Variants in DCP1A observed in about 807,000 individuals in gnomAD.
The protein encoded by DCP1A is decapping mRNA 1A.
DCP1A carries 20 observed loss-of-function variants against 58.0 expected under a neutral mutation model. That is an observed-to-expected ratio of 0.34 (90% CI 0.24 to 0.50). The LOEUF is 0.50. Ranked by LOEUF, DCP1A falls within the 20% of genes least tolerant of loss-of-function variation. DCP1A has a pLI of 0.98. For missense variants in DCP1A, 613 were observed against 712.2 expected, an observed-to-expected ratio of 0.86 and a Z score of 1.59; for synonymous variants, 285 against 275.1, an observed-to-expected ratio of 1.04 and a Z score of -0.36.
intron 1 of DCP1A, among the ~76,000 whole-genome samples, chr3:53,347,121 C>T (rs1055966023): frequency 6.6e-6 from 1 of 152,202 alleles, no homozygotes; most frequent in Non-Finnish European, 1.5e-5. Context: ...CCAGACCCGA[C>T]GCCAAGGGAC....
intron 3 of DCP1A, among the ~76,000 whole-genome samples, chr3:53,335,823 CTTT>C (rs2089104039): frequency 6.6e-6 from 1 of 151,892 alleles, no homozygotes; most frequent in Non-Finnish European, 1.5e-5. Flanking sequence ...GCATTTAATT[CTTT>C]TTTATTCTTT....
At chr3:53,337,069 G>A (rs758178377) in intron 3 of DCP1A, among the ~76,000 whole-genome samples, 3 of 151,710 alleles carry the variant, frequency 2.0e-5, no homozygotes, top group Non-Finnish European at 2.9e-5. Flanking sequence ...ATGGGGTTTC[G>A]CCGTGTTGGC....
At chr3:53,287,822 A>G (rs781863279) in intron 9 of DCP1A, among the ~76,000 whole-genome samples, 162 bp from the exon 10 acceptor site, 4 of 151,992 alleles carry the variant, frequency 2.6e-5, no homozygotes, top group Non-Finnish European at 4.4e-5. Flanking sequence ...GTTCATGCAG[A>G]TATTTCTCCA....
At chr3:53,294,791 T>C (rs1707060421) in intron 6 of DCP1A, among the ~76,000 whole-genome samples, 1 of 152,190 alleles carries the variant, frequency 6.6e-6, no homozygotes, top group Admixed American at 6.5e-5. Context: ...CTGAAATGTA[T>C]GGAACCCAGC....
intron 7 of DCP1A, 54 bp downstream of exon 7, chr3:53,292,015 A>G: frequency 6.5e-7 from 1 of 1,533,956 alleles, no homozygotes; most frequent in South Asian, 1.2e-5. Flanking sequence ...CTGTAGTTTC[A>G]TCCCATCCAG....
At chr3:53,334,780 A>G (rs2106883525) in intron 3 of DCP1A, among the ~76,000 whole-genome samples, 1 of 152,336 alleles carries the variant, frequency 6.6e-6, no homozygotes, top group African/African-American at 2.4e-5. Context: ...GCAAATGCTC[A>G]ATAGACACAT....
At chr3:53,309,671 G>A (rs190834352) in intron 5 of DCP1A, among the ~76,000 whole-genome samples, 166 of 152,260 alleles carry the variant, frequency 1.1e-3, no homozygotes, top group Non-Finnish European at 2.0e-3. Flanking sequence ...AGGCTAAGAT[G>A]GGAGAATGTC....
chr3:53,326,122 A>C (rs1708097087), intron 3 of DCP1A, among the ~76,000 whole-genome samples: 1 of 152,224 alleles, frequency 6.6e-6, no homozygotes, highest in Non-Finnish European at 1.5e-5. Context: ...TATCATTTAA[A>C]AATTTGGTGC....
rs782533868 is a variant in DCP1A, at chr3:53,289,612, C to CA, written c.1449+1178dup. 7.7e-3 allele frequency among the ~76,000 whole-genome samples: 707 copies of CA among 91,586 alleles called. 3 individuals are homozygous for CA. The highest frequency in any genetic ancestry group is 0.012 in the African/African-American group (281 of 23,916). 60.1% of individuals were successfully genotyped at this position (91,586 alleles called of 152,430 possible). On this transcript the variant is annotated intron_variant, in intron 8 of 9. Transcript: ENST00000610213. Reference sequence around the variant, plus strand: ...GGGCAACAAAGCAAGACTCTGCTTCCAAAAAAAAAAAAAAATCCAGTTATG... The same window carrying CA: ...GGGCAACAAAGCAAGACTCTGCTTCCAAAAAAAAAAAAAAAATCCAGTTATG...
chr3:53,341,462 GA>G (rs2089201726), intron 3 of DCP1A, among the ~76,000 whole-genome samples: 1 of 151,832 alleles, frequency 6.6e-6, no homozygotes, highest in East Asian at 1.9e-4. Flanking sequence ...TCAAAAAAAA[GA>G]AAATAATAAT....
At chr3:53,292,017 C>T in intron 7 of DCP1A, 52 bp downstream of exon 7, 2 of 1,536,150 alleles carry the variant, frequency 1.3e-6, no homozygotes, top group Admixed American at 2.0e-5. Flanking sequence ...GTAGTTTCAT[C>T]CCATCCAGTT....
intron 2 of DCP1A, among the ~76,000 whole-genome samples, chr3:53,343,477 T>C (rs1559709905): frequency 6.6e-6 from 1 of 152,160 alleles, no homozygotes; most frequent in Admixed American, 6.5e-5. Context: ...AGTGCCTCTG[T>C]ATGATAACAA....
intron 8 of DCP1A, among the ~76,000 whole-genome samples, chr3:53,288,946 T>G (rs1430138550): frequency 6.6e-6 from 1 of 151,286 alleles, no homozygotes; most frequent in Non-Finnish European, 1.5e-5. Context: ...ACCCAGGAGG[T>G]GGAGGTTGCA....
chr3:53,308,237 T>C (rs567982856), intron 5 of DCP1A, among the ~76,000 whole-genome samples: 5 of 152,330 alleles, frequency 3.3e-5, no homozygotes, highest in Non-Finnish European at 7.3e-5. Flanking sequence ...TTTTCTATAG[T>C]TTATACTGCT....
At chr3:53,293,243 T>G (rs1481752939) in intron 6 of DCP1A, among the ~76,000 whole-genome samples, 4 of 152,158 alleles carry the variant, frequency 2.6e-5, no homozygotes, top group African/African-American at 9.7e-5. Context: ...CCTCAGAGAC[T>G]GGGTCTCAAA....
rs34308634 is a variant in DCP1A at position 53,284,526 on chromosome 3, C to CTTTTTTTTTT, written c.*3044_*3053dup. 2 of 59,810 alleles carry CTTTTTTTTTT rather than the reference C, an allele frequency of 3.3e-5. 1 individual carries two copies. The highest frequency in any genetic ancestry group is 4.5e-4 in the Admixed American group (2 of 4,446). The allele number at this position is 59,810 out of a possible 1,614,324, so 3.7% of individuals were successfully genotyped here. ...CCCTGTAGAGAGGGGCCCAGCGTGA[C>CTTTTTTTTTT]TTTTTTTTTTTTTTTTTTTTTTTTT... On this transcript the variant is annotated 3_prime_UTR_variant, in exon 10 of 10. Transcript: ENST00000610213.
chr3:53,292,081 A>C lies in DCP1A; in HGVS notation c.1371T>G (p.Leu457=). 6.2e-7 allele frequency: 1 copy of C among 1,609,654 alleles called. No homozygotes were observed. ...CTCCTGCCATTACCTGAAGGGGAGC[A>C]AGCACCATGTTGCTCAGGGAGGCTG... ...AASASLSNMV[L]APLQSMQQNQ... The change falls in exon 7 of 10, where the codon CTT becomes CTG. Residue 457 remains leucine, a synonymous_variant. Coordinates refer to ENST00000610213, the MANE Select transcript of DCP1A (RefSeq NM_018403.7).
At chr3:53,318,357 TAAA>T (rs1445535854) in intron 4 of DCP1A, among the ~76,000 whole-genome samples, 8 of 152,162 alleles carry the variant, frequency 5.3e-5, no homozygotes, top group Non-Finnish European at 8.8e-5. Flanking sequence ...ATTAGACTGT[TAAA>T]AAATTTAAGA....
chr3:53,309,262 T>C (rs1553688410), intron 5 of DCP1A, among the ~76,000 whole-genome samples: 1 of 151,538 alleles, frequency 6.6e-6, no homozygotes, highest in South Asian at 2.1e-4. Flanking sequence ...TCCCAGCTAC[T>C]CAGGAGGCTG....
Sources: gnomAD v4.1 joint callset for allele counts (sites outside exome capture counted in the v4.1 genomes callset) on GRCh38, gnomAD v4.1.1 for gene constraint, MANE v1.5 for transcripts, NCBI Gene and HGNC (gene_info 2026-07-23, HGNC 2026-07-21) for gene names.